Variants in AGMO observed in about 807,000 individuals in gnomAD.
The protein encoded by AGMO is glyceryl-ether monooxygenase.
AGMO carries 75 observed loss-of-function variants against 60.2 expected under a neutral mutation model. The observed-to-expected ratio is 1.25, with a 90% CI of 1.03 to 1.51. The LOEUF (loss-of-function observed/expected upper bound fraction) is 1.51, where lower values mean the gene tolerates loss of function less well. AGMO is among the 40% of genes most tolerant of loss of function. The pLI, the probability that AGMO is intolerant of heterozygous loss-of-function variation, is 0.00. For missense variants in AGMO, 763 were observed against 525.5 expected, an observed-to-expected ratio of 1.45 and a Z score of -4.42; for synonymous variants, 261 against 177.1, an observed-to-expected ratio of 1.47 and a Z score of -3.76.
chr7:15,391,976 CGTG>C (rs1784158701), intron 6 of AGMO, among the ~76,000 whole-genome samples: 1 of 152,106 alleles, frequency 6.6e-6, no homozygotes, highest in Non-Finnish European at 1.5e-5. Flanking sequence ...TATAAGCAGG[CGTG>C]GGCATGCGAA....
At chr7:15,219,181 T>C (rs1244824532) in intron 12 of AGMO, among the ~76,000 whole-genome samples, 3 of 152,134 alleles carry the variant, frequency 2.0e-5, no homozygotes, top group East Asian at 1.9e-4. Context: ...ATTACAATAA[T>C]CACCCAGGCC....
At chr7:15,508,390 T>C (rs572529114) in intron 3 of AGMO, among the ~76,000 whole-genome samples, 1 of 152,260 alleles carries the variant, frequency 6.6e-6, no homozygotes, top group South Asian at 2.1e-4. Flanking sequence ...ACTGATTCTT[T>C]AGAAAATCGG....
At chr7:15,175,092 C>T in the AGMO span, among the ~76,000 whole-genome samples, 1 of 151,654 alleles carries the variant, frequency 6.6e-6, no homozygotes, top group African/African-American at 2.4e-5. Flanking sequence ...TAAAAACTTA[C>T]CTAACTGTGT....
intron 5 of AGMO, among the ~76,000 whole-genome samples, chr7:15,407,368 A>G (rs1034114303): frequency 2.0e-5 from 3 of 151,180 alleles, no homozygotes; most frequent in African/African-American, 7.3e-5. Flanking sequence ...AGGAAAGATT[A>G]TTTTACATAG....
intron 3 of AGMO, among the ~76,000 whole-genome samples, chr7:15,446,508 T>C (rs1323780462): frequency 1.3e-5 from 2 of 152,184 alleles, no homozygotes; most frequent in Non-Finnish European, 2.9e-5. Flanking sequence ...GTACCCAAAT[T>C]GCATTCTTCT....
At chr7:15,360,167 T>C (rs1782693146) in intron 12 of AGMO, among the ~76,000 whole-genome samples, 1 of 152,208 alleles carries the variant, frequency 6.6e-6, no homozygotes. Flanking sequence ...TTTATTATTC[T>C]CATTATGCAG....
At chr7:15,233,561 T>A in intron 12 of AGMO, among the ~76,000 whole-genome samples, 2 of 150,674 alleles carry the variant, frequency 1.3e-5, no homozygotes, top group East Asian at 3.9e-4. Flanking sequence ...TTTTTTTTTT[T>A]CCCCCCTTTG....
intron 5 of AGMO, among the ~76,000 whole-genome samples, chr7:15,407,017 G>A (rs1423950275): frequency 1.5e-5 from 2 of 135,970 alleles, no homozygotes; most frequent in Non-Finnish European, 3.2e-5. Flanking sequence ...ACATATATAT[G>A]TGTATATATA....
At chr7:15,148,711 C>T in the AGMO span, among the ~76,000 whole-genome samples, 1 of 152,094 alleles carries the variant, frequency 6.6e-6, no homozygotes, top group Non-Finnish European at 1.5e-5. Context: ...TTTTCTTTAT[C>T]CAGTCCACTG....
the AGMO span, among the ~76,000 whole-genome samples, chr7:15,161,333 C>A: frequency 6.6e-6 from 1 of 152,216 alleles, no homozygotes; most frequent in Middle Eastern, 3.4e-3. Flanking sequence ...AGAGCAAATT[C>A]TGCCTGCAGA....
At chr7:15,189,383 T>C in the AGMO span, among the ~76,000 whole-genome samples, 2 of 152,154 alleles carry the variant, frequency 1.3e-5, no homozygotes, top group Non-Finnish European at 2.9e-5. Flanking sequence ...ATAAACATTT[T>C]ACAGCCTCTC....
intron 12 of AGMO, among the ~76,000 whole-genome samples, chr7:15,291,759 C>T (rs1395010790): frequency 6.6e-6 from 1 of 152,118 alleles, no homozygotes; most frequent in Non-Finnish European, 1.5e-5. Context: ...GTAGAAACAT[C>T]AGGGGACAAA....
chr7:15,350,441 A>G (rs1297075119), intron 12 of AGMO, among the ~76,000 whole-genome samples: 2 of 152,134 alleles, frequency 1.3e-5, no homozygotes, highest in African/African-American at 4.8e-5. Flanking sequence ...CTTAAATAGC[A>G]AAGTTATTAG....
At chr7:15,254,675 G>A (rs1055790035) in intron 12 of AGMO, among the ~76,000 whole-genome samples, 7 of 150,828 alleles carry the variant, frequency 4.6e-5, no homozygotes, top group East Asian at 3.9e-4. Context: ...ACCAAAATAC[G>A]AAAGATCAAT....
chr7:15,418,000 T>C (rs1583530973), intron 5 of AGMO, among the ~76,000 whole-genome samples: 1 of 152,264 alleles, frequency 6.6e-6, no homozygotes. Flanking sequence ...AATCTGACAG[T>C]TTGAAATGCC....
intron 12 of AGMO, among the ~76,000 whole-genome samples, chr7:15,222,749 C>T (rs910614541): frequency 6.6e-6 from 1 of 151,942 alleles, no homozygotes; most frequent in African/African-American, 2.4e-5. Context: ...TATGTGGTTT[C>T]CCCTATCTTT....
the AGMO span, among the ~76,000 whole-genome samples, chr7:15,171,775 ATCTT>A: frequency 3.1e-4 from 47 of 152,306 alleles, no homozygotes; most frequent in Non-Finnish European, 4.4e-4. Context: ...CATGCCTTTT[ATCTT>A]TCTATTATAA....
At chr7:15,370,734 CTATT>C (rs1297522013) in intron 10 of AGMO, among the ~76,000 whole-genome samples, 6 of 151,892 alleles carry the variant, frequency 4.0e-5, no homozygotes, top group African/African-American at 1.5e-4. Context: ...TTTAATGTGG[CTATT>C]TGTTTTTTTC....
At chr7:15,475,345 G>A (rs1782565270) in intron 3 of AGMO, among the ~76,000 whole-genome samples, 1 of 152,098 alleles carries the variant, frequency 6.6e-6, no homozygotes, top group South Asian at 2.1e-4. Flanking sequence ...TATACACCAT[G>A]TAATACTATG....
Sources: allele counts gnomAD v4.1 joint callset (sites outside exome capture counted in the v4.1 genomes callset), GRCh38; gene constraint gnomAD v4.1.1; transcripts MANE v1.5; gene names NCBI Gene and HGNC (gene_info 2026-07-23, HGNC 2026-07-21).